RPA1: variants seen among roughly 807,000 people sequenced by gnomAD.
The protein encoded by RPA1 is replication protein A 70 kDa DNA-binding subunit.
A neutral mutation model predicts 83.0 loss-of-function variants in RPA1; 49 were observed. The observed-to-expected ratio is 0.59, with a 90% CI of 0.47 to 0.75. RPA1 has a LOEUF of 0.75. RPA1 is among the 30% of genes least tolerant of loss of function. The pLI, the probability that RPA1 is intolerant of heterozygous loss-of-function variation, is 0.00. For synonymous variants in RPA1, 279 were observed against 281.8 expected (o/e 0.99, Z 0.10); for missense variants, 693 against 776.1 (o/e 0.89, Z 1.27).
At position 1,883,832 on chromosome 17, in the gene RPA1, C is replaced by G. The variant is rs187511734; in HGVS notation, c.1262C>G (p.Ala421Gly). Residue 421 changes from alanine (A) to glycine (G), a missense_variant, in exon 13 of 17, where the codon GCC becomes GGC. Transcript: ENST00000254719. ...LRGWFDAEGQ[A>G]LDGVSISDLK... ...TTCAGGTTTGACGCAGAAGGACAAG[C>G]CTTAGATGGTGTTTCCATCTCTGAT... 11 of 1,614,070 alleles carry G rather than the reference C, an allele frequency of 6.8e-6. 1 individual carries two copies. The East Asian group carries it at 2.5e-4, about 36-fold the overall frequency.
chr17:1,835,512 C>T (rs751131743), intron 1 of RPA1, among the ~76,000 whole-genome samples: 5 of 151,950 alleles, frequency 3.3e-5, no homozygotes, highest in Admixed American at 1.3e-4. Flanking sequence ...GAGCATCGTC[C>T]CCATATACTT....
intron 8 of RPA1, 122 bp from the exon 9 acceptor site, chr17:1,878,871 C>T: frequency 1.1e-6 from 1 of 881,186 alleles, no homozygotes. Context: ...TGTGCAAGGG[C>T]CACTGCTCTC....
rs184466307 is a variant in RPA1 at position 1,884,591 on chromosome 17, A to G, written c.1374+647A>G. On this transcript the variant is annotated intron_variant, in intron 13 of 16. Transcript: ENST00000254719. The surrounding 1 kb of genome is among the most constrained non-coding windows in gnomAD (Gnocchi z 4.1). ...TTACGCCTGCTCTTTTATTTTCATC[A>G]TATACAGTGTAGGTTTCATTCCTCC... Among the ~76,000 whole-genome samples the G allele has an allele frequency of 2.6e-5, 4 of 152,260 alleles. No homozygotes were observed. In the East Asian group the frequency reaches 7.7e-4, roughly 29 times the overall value.
chr17:1,879,412 G>A lies in RPA1; in HGVS notation c.952+5G>A. The A allele has an allele frequency of 6.2e-7, 1 of 1,613,726 alleles. No homozygotes were observed. Among genetic ancestry groups the A allele is most frequent in the Non-Finnish European group, 8.5e-7 (1 of 1,179,644 alleles). On this transcript the variant is annotated splice_donor_5th_base_variant and intron_variant, in intron 10 of 16. Coordinates refer to ENST00000254719, the MANE Select transcript of RPA1 (RefSeq NM_002945.5). Reference sequence around the variant, plus strand: ...AGTCGAAAGACTCACTTGTAGGTAAGCTCGTGTATGAGAAGGAAGAGCAGG... The same window carrying A: ...AGTCGAAAGACTCACTTGTAGGTAAACTCGTGTATGAGAAGGAAGAGCAGG...
At position 1,842,963 on chromosome 17, in the gene RPA1, C is replaced by T. The variant is rs1912115445; in HGVS notation, c.84+110C>T. ...TTTGTCCACTTTCGGAAATTCACCC[C>T]CAGTCACAAAAAATAGGCCAGTCTA... On this transcript the variant is annotated intron_variant, in intron 2 of 16. Transcript: ENST00000254719. 4.4e-6 allele frequency: 5 copies of T among 1,127,420 alleles called. No individual in the cohort carries two copies. In the Admixed American group the frequency reaches 1.0e-4, roughly 23 times the overall value. The allele number at this position is 1,127,420 out of a possible 1,614,324, so 69.8% of individuals were successfully genotyped here.
chr17:1,890,277 T>C (rs1405621495), intron 14 of RPA1, among the ~76,000 whole-genome samples: 8 of 152,028 alleles, frequency 5.3e-5, no homozygotes, highest in Non-Finnish European at 1.2e-4. Flanking sequence ...GGTAGGAGGA[T>C]CGCTTGAGCC....
chr17:1,878,165 G>A (rs1236653332), intron 8 of RPA1, among the ~76,000 whole-genome samples: 2 of 152,162 alleles, frequency 1.3e-5, no homozygotes, highest in African/African-American at 4.8e-5. Context: ...AACCAAGGAG[G>A]TGGAGGTTGG....
At chr17:1,874,378 C>CA (rs1187554866) in intron 6 of RPA1, among the ~76,000 whole-genome samples, 1 of 152,106 alleles carries the variant, frequency 6.6e-6, no homozygotes, top group African/African-American at 2.4e-5. Context: ...TGGTGGTGCA[C>CA]ACCTATAGTC....
chr17:1,866,733 T>C (rs1913190819), intron 5 of RPA1, among the ~76,000 whole-genome samples: 1 of 152,270 alleles, frequency 6.6e-6, no homozygotes, highest in South Asian at 2.1e-4. Flanking sequence ...AGTGCTGGGA[T>C]TACAGGCGGG....
chr17:1,865,818 A>G (rs905464726), intron 5 of RPA1, among the ~76,000 whole-genome samples: 7 of 152,228 alleles, frequency 4.6e-5, no homozygotes, highest in Non-Finnish European at 1.0e-4. Flanking sequence ...TTATTTTAAT[A>G]GAGATGAGAC....
At chr17:1,831,615 T>C (rs79033278) in intron 1 of RPA1, among the ~76,000 whole-genome samples, 1 of 151,698 alleles carries the variant, frequency 6.6e-6, no homozygotes, top group African/African-American at 2.4e-5. Context: ...TTTTTTTTTT[T>C]TGAGCTGGAA....
chr17:1,878,889 C>G (rs1429816307), intron 8 of RPA1, 104 bp from the exon 9 acceptor site: 1 of 1,086,870 alleles, frequency 9.2e-7, no homozygotes, highest in Admixed American at 1.8e-5. Flanking sequence ...CTCAAGATGT[C>G]ACTTTGGTGC....
rs948791540 is a variant in RPA1, at chr17:1,898,898, A to C, written c.*1723A>C. ...TCTTCAACCCTCTTCTGGATTGACA[A>C]ATTGTGGCTGGGAAGTGGCGATCTA... On this transcript the variant is annotated 3_prime_UTR_variant, in exon 17 of 17. Transcript: ENST00000254719. The C allele has an allele frequency of 3.3e-5, 5 of 152,678 alleles. No homozygotes were observed. The highest frequency in any genetic ancestry group is 5.9e-5 in the Non-Finnish European group (4 of 68,074). 9.5% of individuals were successfully genotyped at this position (152,678 alleles called of 1,614,324 possible).
At chr17:1,856,363 C>T (rs1912697628) in intron 5 of RPA1, among the ~76,000 whole-genome samples, 1 of 150,164 alleles carries the variant, frequency 6.7e-6, no homozygotes, top group East Asian at 1.9e-4. Flanking sequence ...TTTGGGGAAG[C>T]TGAGGCGGGC....
At chr17:1,837,186 C>T (rs887036035) in intron 1 of RPA1, among the ~76,000 whole-genome samples, 11 of 152,044 alleles carry the variant, frequency 7.2e-5, no homozygotes, top group Admixed American at 1.3e-4. Flanking sequence ...CCAGGATGAT[C>T]TTGAACTCCT....
intron 13 of RPA1, among the ~76,000 whole-genome samples, chr17:1,887,739 A>C (rs1306508164): frequency 6.6e-6 from 1 of 150,942 alleles, no homozygotes; most frequent in East Asian, 2.0e-4. Context: ...AAATACAAAA[A>C]TTAGCCAGGC....
intron 5 of RPA1, chr17:1,858,077 G>A: frequency 6.2e-7 from 1 of 1,613,438 alleles, no homozygotes; most frequent in Non-Finnish European, 8.5e-7. Flanking sequence ...AACACAGTAA[G>A]AACCAGGACA....
intron 6 of RPA1, among the ~76,000 whole-genome samples, chr17:1,874,032 T>TATATATATATATATATATATAC (rs1171343408): frequency 3.8e-5 from 3 of 79,258 alleles, no homozygotes; most frequent in African/African-American, 1.9e-4. Context: ...TATATATATA[T>TATATATATATATATATATATAC]ACACACACAC....
chr17:1,896,939 T>C (rs1914456213), intron 16 of RPA1, 132 bp from the exon 17 acceptor site: 1 of 738,690 alleles, frequency 1.4e-6, no homozygotes, highest in South Asian at 1.5e-5. Context: ...TGTCACTCAC[T>C]GGAATGACTG....
Sources: allele counts gnomAD v4.1 joint callset (sites outside exome capture counted in the v4.1 genomes callset), GRCh38; gene constraint gnomAD v4.1.1; non-coding constraint Gnocchi (gnomAD v3.1); transcripts MANE v1.5; gene names NCBI Gene and HGNC (gene_info 2026-07-23, HGNC 2026-07-21).